Variants in KPNA1 observed in about 807,000 individuals in gnomAD.
KPNA1 encodes importin subunit alpha-5.
KPNA1 carries 10 observed loss-of-function variants against 70.5 expected under a neutral mutation model. The ratio of observed to expected loss-of-function variants is 0.14; its 90% CI spans 0.09 to 0.24. The LOEUF is 0.24. Ranked by LOEUF, KPNA1 falls within the 10% of genes least tolerant of loss-of-function variation. KPNA1 has a pLI of 1.00. For synonymous variants in KPNA1, 192 were observed against 221.9 expected (o/e 0.87, Z 1.20); for missense variants, 397 against 637.9 (o/e 0.62, Z 4.07).
At chr3:122,454,317 T>C (rs1385286157) in intron 5 of KPNA1, among the ~76,000 whole-genome samples, 1 of 152,182 alleles carries the variant, frequency 6.6e-6, no homozygotes, top group African/African-American at 2.4e-5. Flanking sequence ...GCAAACAGTG[T>C]ACATTAATAT....
At chr3:122,512,214 T>TAA (rs200030053) in intron 1 of KPNA1, among the ~76,000 whole-genome samples, 22 of 145,662 alleles carry the variant, frequency 1.5e-4, no homozygotes, top group African/African-American at 5.5e-4. Context: ...ATCATTAGTT[T>TAA]AAAAAAAAAA....
chr3:122,467,219 G>A lies in KPNA1; in HGVS notation c.237+103C>T. 5.6e-6 allele frequency: 3 copies of A among 539,248 alleles called. 1 individual carries two copies. Among genetic ancestry groups the A allele is most frequent in the South Asian group, 5.2e-5 (2 of 38,128 alleles). The allele number at this position is 539,248 out of a possible 1,614,324, so 33.4% of individuals were successfully genotyped here. A position where few individuals can be genotyped will look rare whatever the true frequency, so the allele number is the denominator to read the frequency against. On this transcript the variant is annotated intron_variant, in intron 3 of 13. Coordinates refer to ENST00000344337, the MANE Select transcript of KPNA1 (RefSeq NM_002264.4). Reference sequence around the variant, plus strand: ...AGCATATTCTTTTTAAAAATGAAATGCCAAGTACTTTTTGTAGCCATCTAA... The same window carrying A: ...AGCATATTCTTTTTAAAAATGAAATACCAAGTACTTTTTGTAGCCATCTAA...
chr3:122,452,560 G>GGGAA (rs1472154380), intron 6 of KPNA1, among the ~76,000 whole-genome samples: 67 of 34,770 alleles, frequency 1.9e-3, no homozygotes, highest in East Asian at 3.5e-3. Context: ...GAGGGAGGGA[G>GGGAA]GGAGGGAAGG....
At chr3:122,457,899 A>G in intron 5 of KPNA1, 1 of 1,279,282 alleles carries the variant, frequency 7.8e-7, no homozygotes, top group Non-Finnish European at 1.0e-6. Context: ...AAACCCAGAT[A>G]GCAAACTCTG....
At chr3:122,481,335 T>C (rs1185257985) in intron 2 of KPNA1, among the ~76,000 whole-genome samples, 1 of 152,168 alleles carries the variant, frequency 6.6e-6, no homozygotes, top group African/African-American at 2.4e-5. Context: ...GAATATTTAG[T>C]GAGAAAAGGG....
intron 6 of KPNA1, among the ~76,000 whole-genome samples, chr3:122,452,564 G>GGGAAGGAGGGAAGGAA (rs1560028507): frequency 3.3e-5 from 1 of 30,160 alleles, no homozygotes; most frequent in African/African-American, 1.4e-4. Context: ...GAGGGAGGGA[G>GGGAAGGAGGGAAGGAA]GGAAGGAGGG....
chr3:122,494,404 T>A (rs1458385383), intron 2 of KPNA1, among the ~76,000 whole-genome samples: 1 of 152,228 alleles, frequency 6.6e-6, no homozygotes. Context: ...TTCCCCAGTA[T>A]ATACTTTTGC....
chr3:122,497,052 T>C (rs1480947662), intron 1 of KPNA1, among the ~76,000 whole-genome samples: 2 of 152,220 alleles, frequency 1.3e-5, no homozygotes, highest in African/African-American at 2.4e-5. Context: ...CAGTTTTTAG[T>C]GTATTTACAG....
intron 9 of KPNA1, among the ~76,000 whole-genome samples, chr3:122,446,427 G>A (rs2076139308): frequency 6.6e-6 from 1 of 152,182 alleles, no homozygotes. Context: ...TGACTACTGG[G>A]TAAATAACGA....
At chr3:122,513,548 G>T (rs1042910706) in intron 1 of KPNA1, among the ~76,000 whole-genome samples, 5 of 152,116 alleles carry the variant, frequency 3.3e-5, no homozygotes, top group Non-Finnish European at 7.3e-5. Context: ...CCTTGCTGGT[G>T]GCATCCGCCT....
chr3:122,435,805 C>T (rs561445889), intron 11 of KPNA1, among the ~76,000 whole-genome samples: 31 of 152,122 alleles, frequency 2.0e-4, no homozygotes, highest in Non-Finnish European at 4.1e-4. Flanking sequence ...CTCTTAATCC[C>T]GTCATCTTCA....
intron 9 of KPNA1, among the ~76,000 whole-genome samples, chr3:122,445,839 A>G (rs1273038502): frequency 3.3e-5 from 5 of 152,194 alleles, no homozygotes. Flanking sequence ...TACAAAGCAC[A>G]TGGAAAGCAA....
At chr3:122,460,101 A>G (rs2076306856) in intron 5 of KPNA1, 1 of 985,364 alleles carries the variant, frequency 1.0e-6, no homozygotes, top group South Asian at 4.7e-5. Flanking sequence ...GTACCTAACC[A>G]ATTTTTATAG....
At chr3:122,437,634 A>T (rs574518459) in intron 10 of KPNA1, among the ~76,000 whole-genome samples, 1 of 152,346 alleles carries the variant, frequency 6.6e-6, no homozygotes, top group East Asian at 1.9e-4. Context: ...AAAAGTCAGG[A>T]GTCTCAGATT....
At chr3:122,442,955 A>C (rs2076084547) in intron 9 of KPNA1, 1 of 152,342 alleles carries the variant, frequency 6.6e-6, no homozygotes, top group East Asian at 1.9e-4. Context: ...GACTGGTTGG[A>C]CAGTGGGTGC....
intron 1 of KPNA1, among the ~76,000 whole-genome samples, chr3:122,501,097 C>T (rs567303919): frequency 4.7e-5 from 7 of 148,582 alleles, no homozygotes; most frequent in East Asian, 2.0e-4. Flanking sequence ...GGCATGATCT[C>T]GGCTCACTGC....
In KPNA1 at chr3:122,429,370, C is replaced by T. The variant is rs562938359; in HGVS notation, c.1251-1654G>A. Among the ~76,000 whole-genome samples, 33 of 142,594 alleles carry T rather than the reference C, an allele frequency of 2.3e-4. No individual in the cohort carries two copies. In the South Asian group the frequency reaches 7.0e-3, roughly 30 times the overall value. 93.5% of individuals were successfully genotyped at this position (142,594 alleles called of 152,430 possible). On this transcript the variant is annotated intron_variant, in intron 12 of 13. Coordinates refer to ENST00000344337, the MANE Select transcript of KPNA1 (RefSeq NM_002264.4). ...GGAGGCTGAGGCAGAATTGCTTGAA[C>T]ACAGGAGGCGGAGGTTGCAGGAGCC...
rs1424326376 is a variant in KPNA1, at chr3:122,453,918, G to A, written c.516C>T (p.Pro172=). 1 of 1,613,002 alleles carries A rather than the reference G, an allele frequency of 6.2e-7. No individual in the cohort carries two copies. Among genetic ancestry groups the A allele is most frequent in the South Asian group, 1.1e-5 (1 of 90,966 alleles). Reference sequence around the variant, plus strand: ...CTGAGCTGAGCAACTCTATGAAGATGGGCACAGCTCCTGCCTGAATCACAA... The same window carrying A: ...CTGAGCTGAGCAACTCTATGAAGATAGGCACAGCTCCTGCCTGAATCACAA... ...TRIVIQAGAV[P]IFIELLSSEF... Residue 172 remains proline, a synonymous_variant, in exon 6 of 14, where the codon CCC becomes CCT. Coordinates refer to ENST00000344337, the MANE Select transcript of KPNA1 (RefSeq NM_002264.4).
chr3:122,456,404 T>C (rs2076265256), intron 5 of KPNA1, among the ~76,000 whole-genome samples: 2 of 152,176 alleles, frequency 1.3e-5, no homozygotes, highest in South Asian at 2.1e-4. Flanking sequence ...ACCATCTGTA[T>C]ACAAGAAAAA....
Sources: allele counts gnomAD v4.1 joint callset (sites outside exome capture counted in the v4.1 genomes callset), GRCh38; gene constraint gnomAD v4.1.1; transcripts MANE v1.5; gene names NCBI Gene and HGNC (gene_info 2026-07-23, HGNC 2026-07-21).